Variants in GRIN3A observed in about 807,000 individuals in gnomAD.
GRIN3A encodes the protein glutamate receptor ionotropic, NMDA 3A.
A neutral mutation model predicts 92.4 loss-of-function variants in GRIN3A; 47 were observed. That is an observed-to-expected ratio of 0.51 (90% CI 0.40 to 0.65). GRIN3A has a LOEUF of 0.65. Ranked by LOEUF, GRIN3A falls within the 30% of genes least tolerant of loss-of-function variation. The pLI, the probability that GRIN3A is intolerant of heterozygous loss-of-function variation, is 0.00. For missense variants in GRIN3A, 1,324 were observed against 1,393.1 expected (o/e 0.95, Z 0.79); for synonymous variants, 527 against 540.6 (o/e 0.97, Z 0.35).
chr9:101,649,578 G>A (rs1205104071), intron 3 of GRIN3A, among the ~76,000 whole-genome samples: 1 of 151,982 alleles, frequency 6.6e-6, no homozygotes, highest in African/African-American at 2.4e-5. Context: ...GTGTTATGCT[G>A]GCTCGAGGGA....
At chr9:101,628,185 T>C (rs1019952924) in intron 4 of GRIN3A, 71 bp downstream of exon 4, 3 of 1,486,548 alleles carry the variant, frequency 2.0e-6, no homozygotes, top group Non-Finnish European at 2.8e-6. Flanking sequence ...AACTAACATA[T>C]ACTGCGTCAG....
In GRIN3A at chr9:101,573,127, G is replaced by A. The variant is rs753525714; in HGVS notation, c.*47C>T. The A allele has an allele frequency of 1.4e-6, 2 of 1,473,592 alleles. No homozygotes were observed. The highest frequency in any genetic ancestry group is 9.5e-7 in the Non-Finnish European group (1 of 1,052,230). 91.3% of individuals were successfully genotyped at this position (1,473,592 alleles called of 1,614,324 possible). On this transcript the variant is annotated 3_prime_UTR_variant, in exon 9 of 9. Transcript: ENST00000361820. The stretch of plus-strand genomic sequence containing the variant: ...AAAGAGCATTACAAAGTGTCTCAAG[G>A]GCTCAGAGGAAGGTCAGGAACTGAG...
chr9:101,610,611 ATCTATC>A (rs1469263928), intron 6 of GRIN3A, among the ~76,000 whole-genome samples: 12 of 142,654 alleles, frequency 8.4e-5, no homozygotes, highest in African/African-American at 1.2e-4. Context: ...CTATCTATCT[ATCTATC>A]TATCTATCAT....
intron 3 of GRIN3A, among the ~76,000 whole-genome samples, chr9:101,637,146 G>A (rs1828794784): frequency 6.6e-6 from 1 of 151,800 alleles, no homozygotes; most frequent in South Asian, 2.1e-4. Context: ...AGGCTGGAGT[G>A]CAGTGGCGCC....
At chr9:101,715,419 G>A (rs1234215628) in intron 1 of GRIN3A, among the ~76,000 whole-genome samples, 1 of 152,110 alleles carries the variant, frequency 6.6e-6, no homozygotes, top group African/African-American at 2.4e-5. Flanking sequence ...CACTTTGGGA[G>A]GCTGAAAATG....
Position 101,623,325 on chromosome 9 carries a change from G to T in GRIN3A, c.2607C>A (p.Ala869=). The change falls in exon 5 of 9, where the codon GCC becomes GCA. Residue 869 remains alanine (A), a synonymous_variant. Transcript: ENST00000361820. The part of the protein sequence containing the change: ...CKLLTVGKPF[A]IEGYGIGLPP... ...AGAGTGACTGATTAATACCTTCTAT[G>T]GCAAATGGCTTCCCCACAGTGAGAA... The T allele has an allele frequency of 1.2e-6, 2 of 1,604,224 alleles. No individual in the cohort carries two copies. The highest frequency in any genetic ancestry group is 1.7e-6 in the Non-Finnish European group (2 of 1,171,052).
rs1243104125 is a variant in GRIN3A, at chr9:101,580,436, GAGAT to G, written c.2767-1080_2767-1077del. On this transcript the variant is annotated intron_variant, in intron 6 of 8. Coordinates refer to ENST00000361820, the MANE Select transcript of GRIN3A (RefSeq NM_133445.3). ...GGTCTCTTAGAGATTGAGAGAGATA[GAGAT>G]AGAGAATTGAAACAATTTAATATAC... 2.6e-5 allele frequency among the ~76,000 whole-genome samples: 4 copies of G among 152,178 alleles called. 1 individual carries two copies. Among genetic ancestry groups the G allele is most frequent in the Admixed American group, 1.3e-4 (2 of 15,274 alleles).
intron 6 of GRIN3A, among the ~76,000 whole-genome samples, chr9:101,609,881 T>G (rs1350485803): frequency 1.3e-5 from 2 of 152,238 alleles, no homozygotes; most frequent in African/African-American, 4.8e-5. Flanking sequence ...ATCTTTTTTG[T>G]AAAGATAGAG....
In GRIN3A at chr9:101,670,338, G is replaced by A. The variant is rs1829300216; in HGVS notation, c.2074C>T (p.Leu692Phe). ...GGACTCTTCCATTCATACAGAGTGA[G>A]GAAGACGGCAGTGATGTGCAGAGCC... ...FVALHITAVFLTLYEWKSPFG... is the reference protein window; with the variant it reads ...FVALHITAVFFTLYEWKSPFG... The change falls in exon 3 of 9, where the codon CTC (leucine) becomes TTC (phenylalanine). Residue 692 changes from leucine (L) to phenylalanine (F), a missense_variant. Coordinates refer to ENST00000361820, the MANE Select transcript of GRIN3A (RefSeq NM_133445.3). The A allele has an allele frequency of 1.2e-6, 2 of 1,613,894 alleles. No individual in the cohort carries two copies. Among genetic ancestry groups the A allele is most frequent in the Admixed American group, 1.7e-5 (1 of 59,988 alleles).
At chr9:101,603,170 TAA>T (rs957415281) in intron 6 of GRIN3A, 4 of 152,174 alleles carry the variant, frequency 2.6e-5, no homozygotes, top group African/African-American at 9.7e-5. Flanking sequence ...AAGCAATACA[TAA>T]AAGAGTGTTT....
intron 1 of GRIN3A, among the ~76,000 whole-genome samples, chr9:101,700,864 A>G (rs1588289333): frequency 6.6e-6 from 1 of 152,208 alleles, no homozygotes; most frequent in Non-Finnish European, 1.5e-5. Context: ...AGAGAAAGGA[A>G]AAGACAAAGA....
chr9:101,720,125 T>C (rs1829993840), intron 1 of GRIN3A, among the ~76,000 whole-genome samples: 1 of 152,226 alleles, frequency 6.6e-6, no homozygotes, highest in South Asian at 2.1e-4. Flanking sequence ...TTTGACTGTG[T>C]TGGTCCATTG....
At chr9:101,623,286 G>A in intron 5 of GRIN3A, 32 bp downstream of exon 5, 1 of 1,451,064 alleles carries the variant, frequency 6.9e-7, no homozygotes, top group Non-Finnish European at 9.7e-7. Flanking sequence ...CACATCCTGA[G>A]TAAAAGTGAA....
Position 101,658,951 on chromosome 9 carries a change from T to C in GRIN3A, c.2352+11109A>G, listed in dbSNP as rs547640679. 3.9e-5 allele frequency among the ~76,000 whole-genome samples: 6 copies of C among 151,906 alleles called. No homozygotes were observed. The South Asian group carries it at 1.2e-3, about 32-fold the overall frequency. ...GTGGTTGAATCACACTAGCTTCTGA[T>C]CTGATTAGGGATCAAAATATCAAGT... On this transcript the variant is annotated intron_variant, in intron 3 of 8. Transcript: ENST00000361820.
At chr9:101,594,980 AG>A (rs1226845629) in intron 6 of GRIN3A, 1 of 1,551,238 alleles carries the variant, frequency 6.4e-7, no homozygotes, top group Admixed American at 1.8e-5. Flanking sequence ...AGGGGCGGTG[AG>A]CTCGGGCGGG....
chr9:101,589,104 G>A (rs1275216033), intron 6 of GRIN3A, among the ~76,000 whole-genome samples: 3 of 151,996 alleles, frequency 2.0e-5, no homozygotes, highest in Non-Finnish European at 4.4e-5. Flanking sequence ...CCAAGTAGCT[G>A]GGACTAAAGG....
chr9:101,605,826 A>C (rs1828273634), intron 6 of GRIN3A, among the ~76,000 whole-genome samples: 1 of 152,162 alleles, frequency 6.6e-6, no homozygotes, highest in South Asian at 2.1e-4. Context: ...CCAAGGTTAG[A>C]GCTTTCACTC....
intron 3 of GRIN3A, 48 bp from the exon 4 acceptor site, chr9:101,628,449 G>A (rs753066042): frequency 9.6e-6 from 15 of 1,565,188 alleles, no homozygotes; most frequent in African/African-American, 1.4e-5. Flanking sequence ...ATTCTTAGAA[G>A]TGTTTTTTAA....
intron 8 of GRIN3A, among the ~76,000 whole-genome samples, chr9:101,575,463 C>CA (rs1206310047): frequency 6.6e-6 from 1 of 152,042 alleles, no homozygotes; most frequent in Non-Finnish European, 1.5e-5. Context: ...ACAGGGGTGA[C>CA]ATGTATTGAT....
Sources: allele counts gnomAD v4.1 joint callset (sites outside exome capture counted in the v4.1 genomes callset), GRCh38; gene constraint gnomAD v4.1.1; transcripts MANE v1.5; gene names NCBI Gene and HGNC (gene_info 2026-07-23, HGNC 2026-07-21).